Variants in CSMD1 observed in about 807,000 individuals in gnomAD.
CSMD1 encodes the protein CUB and Sushi multiple domains 1, also known as CUB and sushi domain-containing protein 1.
In CSMD1, 213 loss-of-function variants were observed where a neutral mutation model predicts 417.5. That is an observed-to-expected ratio of 0.51 (90% CI 0.46 to 0.57). CSMD1 has a LOEUF of 0.57. Ranked by LOEUF, CSMD1 falls within the 20% of genes least tolerant of loss-of-function variation. CSMD1 has a pLI of 0.00. For synonymous variants in CSMD1, 2,862 were observed against 1,736.8 expected, an observed-to-expected ratio of 1.65 and a Z score of -16.11; for missense variants, 6,923 against 4,529.7, an observed-to-expected ratio of 1.53 and a Z score of -15.17.
chr8:4,044,958 T>C (rs1798075339), intron 3 of CSMD1, among the ~76,000 whole-genome samples: 1 of 152,244 alleles, frequency 6.6e-6, no homozygotes, highest in South Asian at 2.1e-4. Flanking sequence ...AGTAATTATA[T>C]TCAACATCTT....
chr8:3,282,069 C>T (rs931092253), intron 26 of CSMD1, among the ~76,000 whole-genome samples: 2 of 152,138 alleles, frequency 1.3e-5, no homozygotes, highest in Non-Finnish European at 2.9e-5. Context: ...TTCTGTACAG[C>T]CTGCTGAGTT....
At chr8:3,836,996 G>C (rs368780258) in intron 5 of CSMD1, among the ~76,000 whole-genome samples, 2 of 151,592 alleles carry the variant, frequency 1.3e-5, no homozygotes, top group South Asian at 2.1e-4. Flanking sequence ...TCCTTAATTA[G>C]CTACTTTAAG....
intron 2 of CSMD1, among the ~76,000 whole-genome samples, chr8:4,427,117 T>C (rs895787087): frequency 6.6e-6 from 1 of 152,032 alleles, no homozygotes; most frequent in African/African-American, 2.4e-5. Flanking sequence ...ACCATCCTTA[T>C]AGAAAGCCTC....
intron 2 of CSMD1, among the ~76,000 whole-genome samples, chr8:4,608,783 T>C (rs913631088): frequency 6.6e-6 from 1 of 152,210 alleles, no homozygotes; most frequent in Non-Finnish European, 1.5e-5. Flanking sequence ...GGAAAATACC[T>C]AGCTGAATGT....
At chr8:4,932,607 C>T (rs1807320099) in intron 1 of CSMD1, among the ~76,000 whole-genome samples, 1 of 152,146 alleles carries the variant, frequency 6.6e-6, no homozygotes, top group Non-Finnish European at 1.5e-5. Flanking sequence ...GCAAATAGAC[C>T]CAACAGGGTA....
chr8:4,814,769 G>A (rs4256615), intron 1 of CSMD1, among the ~76,000 whole-genome samples: 44,178 of 151,910 alleles, frequency 0.29, 7,476 homozygotes, highest in Admixed American at 0.46. Flanking sequence ...ATAAGGAAAT[G>A]TTCTAAAATT....
At chr8:4,836,650 T>A (rs1198599254) in intron 1 of CSMD1, among the ~76,000 whole-genome samples, 2 of 152,196 alleles carry the variant, frequency 1.3e-5, no homozygotes, top group Non-Finnish European at 2.9e-5. Flanking sequence ...AGTCAGTACT[T>A]AATGATGCTT....
intron 1 of CSMD1, among the ~76,000 whole-genome samples, chr8:4,934,672 T>C (rs1221567996): frequency 6.6e-6 from 1 of 152,194 alleles, no homozygotes; most frequent in Non-Finnish European, 1.5e-5. Flanking sequence ...TGACCTATCA[T>C]CTATGATCCA....
At chr8:3,601,338 T>C (rs1267911868) in intron 8 of CSMD1, among the ~76,000 whole-genome samples, 3 of 152,224 alleles carry the variant, frequency 2.0e-5, no homozygotes, top group Admixed American at 6.5e-5. Flanking sequence ...ATAGGAGCTG[T>C]AGAAGGCAGC....
intron 3 of CSMD1, among the ~76,000 whole-genome samples, chr8:4,272,089 A>T (rs1004626433): frequency 4.6e-5 from 7 of 152,098 alleles, no homozygotes; most frequent in African/African-American, 1.7e-4. Context: ...TCAACTATCA[A>T]CTGTACACCC....
At chr8:3,344,868 G>C (rs184303993) in intron 22 of CSMD1, among the ~76,000 whole-genome samples, 2 of 152,236 alleles carry the variant, frequency 1.3e-5, no homozygotes, top group East Asian at 3.9e-4. Flanking sequence ...ATGCTAGTGG[G>C]GTAGAATCAG....
At chr8:4,086,278 T>G (rs1800414256) in intron 3 of CSMD1, among the ~76,000 whole-genome samples, 2 of 152,170 alleles carry the variant, frequency 1.3e-5, no homozygotes, top group Admixed American at 6.5e-5. Context: ...AGGGAGGGAC[T>G]TACTCGAGGC....
intron 3 of CSMD1, among the ~76,000 whole-genome samples, chr8:4,050,420 TG>T (rs1418004295): frequency 6.6e-6 from 1 of 152,176 alleles, no homozygotes; most frequent in Non-Finnish European, 1.5e-5. Flanking sequence ...ATTTAATTTT[TG>T]TTTTTTGCAT....
Position 4,819,239 on chromosome 8 carries a change from A to G in CSMD1, c.85+175093T>C, listed in dbSNP as rs1015608217. 2.6e-5 allele frequency among the ~76,000 whole-genome samples: 4 copies of G among 152,314 alleles called. No individual in the cohort carries two copies. In the East Asian group the frequency reaches 7.7e-4, roughly 29 times the overall value. ...AACAATTATTACAATATTAACTAGT[A>G]TTTGGCATTTTACAATTAACAAAAA... On this transcript the variant is annotated intron_variant, in intron 1 of 69. Transcript: ENST00000635120.
intron 3 of CSMD1, among the ~76,000 whole-genome samples, chr8:4,138,745 TA>T (rs1242999596): frequency 2.0e-5 from 3 of 152,204 alleles, no homozygotes; most frequent in African/African-American, 7.2e-5. Flanking sequence ...GGAAAAATAC[TA>T]AACCAACTAG....
At chr8:4,040,499 C>G (rs912154400) in intron 3 of CSMD1, among the ~76,000 whole-genome samples, 2 of 152,234 alleles carry the variant, frequency 1.3e-5, no homozygotes, top group East Asian at 3.9e-4. Flanking sequence ...GACAAAAACT[C>G]TTTCATATGA....
intron 7 of CSMD1, among the ~76,000 whole-genome samples, chr8:3,667,071 A>G (rs2117493730): frequency 6.6e-6 from 1 of 152,294 alleles, no homozygotes; most frequent in South Asian, 2.1e-4. Flanking sequence ...TCTCTAAATG[A>G]TTATTGAGTG....
chr8:4,810,011 C>G (rs932455929), intron 1 of CSMD1, among the ~76,000 whole-genome samples: 1 of 152,144 alleles, frequency 6.6e-6, no homozygotes, highest in Non-Finnish European at 1.5e-5. Flanking sequence ...GAATATATGC[C>G]AAGTGCTTAG....
chr8:3,569,009 T>G (rs1161168930), intron 10 of CSMD1, among the ~76,000 whole-genome samples: 1 of 152,040 alleles, frequency 6.6e-6, no homozygotes, highest in Non-Finnish European at 1.5e-5. Flanking sequence ...TCATCAAGAG[T>G]TCTGAAAATA....
Sources: allele counts gnomAD v4.1 joint callset (sites outside exome capture counted in the v4.1 genomes callset), GRCh38; gene constraint gnomAD v4.1.1; transcripts MANE v1.5; gene names NCBI Gene and HGNC (gene_info 2026-07-23, HGNC 2026-07-21).